Variants in MARF1 observed in about 807,000 individuals in gnomAD.
MARF1 encodes meiosis regulator and mRNA stability factor 1, also known as limkain-b1.
Under a neutral mutation model 168.2 loss-of-function variants are expected in MARF1, and 24 were observed. The observed-to-expected ratio is 0.14, with a 90% CI of 0.10 to 0.20. The LOEUF (loss-of-function observed/expected upper bound fraction) is 0.20, where lower values mean the gene tolerates loss of function less well. MARF1 is among the 10% of genes least tolerant of loss of function. The pLI, the probability that MARF1 is intolerant of heterozygous loss-of-function variation, is 1.00. For missense variants in MARF1, 1,744 were observed against 2,143.6 expected (o/e 0.81, Z 3.68); for synonymous variants, 868 against 822.4 (o/e 1.06, Z -0.95).
At chr16:15,612,243 T>C (rs1206061682) in intron 17 of MARF1, among the ~76,000 whole-genome samples, 1 of 152,224 alleles carries the variant, frequency 6.6e-6, no homozygotes, top group Non-Finnish European at 1.5e-5. Context: ...AGTATGTGGC[T>C]ATTCATGGGA....
chr16:15,624,622 C>T (rs1386641469), intron 10 of MARF1, 147 bp downstream of exon 10: 4 of 729,836 alleles, frequency 5.5e-6, no homozygotes, highest in African/African-American at 5.3e-5. Context: ...ACGATGATTA[C>T]CTGAGGAGAG....
At chr16:15,603,585 T>TTTA (rs1397157288) in intron 22 of MARF1, among the ~76,000 whole-genome samples, 1 of 152,202 alleles carries the variant, frequency 6.6e-6, no homozygotes, top group African/African-American at 2.4e-5. Context: ...TTCAGTGATC[T>TTTA]TTTATAGTCT....
At chr16:15,641,202 ACTGT>A (rs1321906810) in intron 1 of MARF1, among the ~76,000 whole-genome samples, 1 of 152,052 alleles carries the variant, frequency 6.6e-6, no homozygotes, top group South Asian at 2.1e-4. Context: ...AATGAACCCC[ACTGT>A]CTATTTTCAC....
chr16:15,601,446 C>T (rs1382343970), intron 23 of MARF1: 3 of 232,086 alleles, frequency 1.3e-5, no homozygotes, highest in Non-Finnish European at 2.6e-5. Flanking sequence ...CCAACACAGT[C>T]CTCCCTCCTT....
intron 4 of MARF1, among the ~76,000 whole-genome samples, chr16:15,634,371 T>C (rs2035450456): frequency 6.6e-6 from 1 of 152,248 alleles, no homozygotes; most frequent in African/African-American, 2.4e-5. Flanking sequence ...GAAATTATTT[T>C]AACTGAGAAC....
rs1596454430 is a variant in MARF1, at chr16:15,609,589, G to A, written c.3888C>T (p.Cys1296=). The A allele has an allele frequency of 6.2e-7, 1 of 1,614,168 alleles. No individual in the cohort carries two copies. The highest frequency in any genetic ancestry group is 1.1e-5 in the South Asian group (1 of 91,082). ...TGGTAAACCCATAGTACGCAAGTTT[G>A]CACTGCCGGCCAAAGTGGTGATGGT... ...PSYHHHFGRQ[C]KLAYYGFTKL... Residue 1296 remains cysteine, a synonymous_variant, in exon 20 of 27, where the codon TGC becomes TGT. Transcript: ENST00000396368.
At position 15,609,523 on chromosome 16, in the gene MARF1, T is replaced by G; in HGVS notation, c.3954A>C (p.Gln1318His). The change falls in exon 20 of 27, where the codon CAA (glutamine) becomes CAC (histidine). Residue 1318 changes from glutamine to histidine, a missense_variant and splice_region_variant. Physicochemically the swap from Gln to His is conservative, Grantham distance 24 (BLOSUM62 0). Around this residue, in one of 7 missense-constraint regions of MARF1, gnomAD observed 543 missense variants for 742.1 expected, o/e 0.73. Transcript: ENST00000396368. ...ATAAAATTAGAATTTCTTCACTCAC[T>G]TGTAAAGTATCAGGTATGGCTTCAA... ...ELFEAIPDTL[Q>H]VLECGEEKIL... The G allele has an allele frequency of 6.2e-7, 1 of 1,610,402 alleles. No homozygotes were observed.
At chr16:15,641,222 T>C (rs1433857606) in intron 1 of MARF1, among the ~76,000 whole-genome samples, 2 of 152,212 alleles carry the variant, frequency 1.3e-5, no homozygotes, top group Non-Finnish European at 2.9e-5. Context: ...TTCACCACTG[T>C]ATCTCTTGTG....
chr16:15,609,310 C>G (rs1042922663), intron 20 of MARF1, among the ~76,000 whole-genome samples: 5 of 151,934 alleles, frequency 3.3e-5, no homozygotes, highest in East Asian at 1.9e-4. Context: ...ACCCCCAAAA[C>G]AAGTTTGAAT....
At chr16:15,638,277 T>C (rs1272860684) in intron 2 of MARF1, among the ~76,000 whole-genome samples, 1 of 151,694 alleles carries the variant, frequency 6.6e-6, no homozygotes, top group Non-Finnish European at 1.5e-5. Flanking sequence ...GTAACATGAG[T>C]GCATGAAGTC....
intron 1 of MARF1, among the ~76,000 whole-genome samples, chr16:15,642,640 G>A (rs1011385873): frequency 1.3e-5 from 2 of 152,082 alleles, no homozygotes; most frequent in African/African-American, 4.8e-5. Context: ...AAAGGCCGAG[G>A]AGAATGCAAA....
In MARF1 at chr16:15,625,812, G is replaced by A. The variant is rs1567572532; in HGVS notation, c.1525-12C>T. 12 of 1,602,150 alleles carry A rather than the reference G, an allele frequency of 7.5e-6. No homozygotes were observed. The East Asian group carries it at 2.7e-4, about 36-fold the overall frequency. On this transcript the variant is annotated splice_polypyrimidine_tract_variant and intron_variant, in intron 7 of 26. Coordinates refer to ENST00000396368, the MANE Select transcript of MARF1 (RefSeq NM_014647.4). ...AGAGTGTGGCACTGCTAATACAGAG[G>A]AAAGAAGTGTTACGTCAGGTTAATT...
intron 23 of MARF1, 60 bp downstream of exon 23, chr16:15,601,931 G>C: frequency 2.2e-6 from 3 of 1,372,556 alleles, no homozygotes; most frequent in South Asian, 2.3e-5. Flanking sequence ...TTTCTGTTCA[G>C]GACAGTTAGC....
At chr16:15,630,116 T>C in intron 7 of MARF1, 2 of 413,164 alleles carry the variant, frequency 4.8e-6, no homozygotes. Flanking sequence ...CAATTTCATA[T>C]GATATTTTGA....
At position 15,611,715 on chromosome 16, in the gene MARF1, T is replaced by C. The variant is rs748063721; in HGVS notation, c.3494A>G (p.Lys1165Arg). ...CCTGTGGGTAAGGGTCAGCAGACGT[T>C]TGGAGCCCATTCCAAGAATCTGCAA... ...HVLQILGMGS[K>R]RLLTLTHRAQ... is the part of the protein sequence containing the mutation. Residue 1165 changes from lysine (K) to arginine (R), a missense_variant, in exon 18 of 27, where the codon AAA (lysine) becomes AGA (arginine). This residue lies in a region of MARF1 where 543 missense variants were observed against 742.1 expected (regional missense o/e 0.73). Transcript: ENST00000396368. The C allele has an allele frequency of 4.3e-6, 7 of 1,613,986 alleles. No homozygotes were observed. The highest frequency in any genetic ancestry group is 1.7e-5 in the Admixed American group (1 of 59,992).
intron 7 of MARF1, among the ~76,000 whole-genome samples, chr16:15,626,234 G>A (rs2034833002): frequency 6.6e-6 from 1 of 152,226 alleles, no homozygotes; most frequent in Admixed American, 6.5e-5. Flanking sequence ...AGAAAGATTA[G>A]TAGTGCCTGG....
chr16:15,598,850 C>A lies in MARF1; in HGVS notation c.4984+4G>T. ...AATCCCCATGACAACATGGAGTCACCCACCAGAAGGCTCTTGAGGGCGCTC... is the reference window on the plus strand; with the variant it reads ...AATCCCCATGACAACATGGAGTCACACACCAGAAGGCTCTTGAGGGCGCTC... On this transcript the variant is annotated splice_donor_region_variant and intron_variant, in intron 26 of 26. Coordinates refer to ENST00000396368, the MANE Select transcript of MARF1 (RefSeq NM_014647.4). 1 of 1,613,928 alleles carries A rather than the reference C, an allele frequency of 6.2e-7. No homozygotes were observed. Among genetic ancestry groups the A allele is most frequent in the Non-Finnish European group, 8.5e-7 (1 of 1,179,890 alleles).
chr16:15,631,439 C>A lies in MARF1; in HGVS notation c.1293G>T (p.Gln431His). The A allele has an allele frequency of 6.2e-7, 1 of 1,613,462 alleles. No individual in the cohort carries two copies. Among genetic ancestry groups the A allele is most frequent in the Non-Finnish European group, 8.5e-7 (1 of 1,179,524 alleles). ...AKNAADDKLR[Q>H]SLRRFANTHT... Reference sequence around the variant, plus strand: ...GTGTATTTGCAAATCTGCGGAGACTCTGCCGCAGTTTATCATCAGCGGCAT... The same window carrying A: ...GTGTATTTGCAAATCTGCGGAGACTATGCCGCAGTTTATCATCAGCGGCAT... The change falls in exon 6 of 27, where the codon CAG becomes CAT. Residue 431 changes from glutamine to histidine, a missense_variant. Physicochemically the swap from Gln to His is conservative, Grantham distance 24 (BLOSUM62 0). This residue lies in a region of MARF1 where 217 missense variants were observed against 372.4 expected (regional missense o/e 0.58). Coordinates refer to ENST00000396368, the MANE Select transcript of MARF1 (RefSeq NM_014647.4).
intron 20 of MARF1, 191 bp from the exon 21 acceptor site, chr16:15,608,709 C>T (rs1260347314): frequency 5.1e-6 from 3 of 589,982 alleles, no homozygotes; most frequent in Non-Finnish European, 9.0e-6. Context: ...CTGACCACTA[C>T]TGGACAGGAG....
Sources: allele counts gnomAD v4.1 joint callset (sites outside exome capture counted in the v4.1 genomes callset), GRCh38; gene constraint gnomAD v4.1.1; regional missense constraint gnomAD v4.1.1; transcripts MANE v1.5; gene names NCBI Gene and HGNC (gene_info 2026-07-23, HGNC 2026-07-21).